PKP2: variants seen among roughly 807,000 people sequenced by gnomAD.
PKP2 encodes the protein plakophilin 2, also known as plakophilin-2.
A neutral mutation model predicts 83.4 loss-of-function variants in PKP2; 73 were observed. That is an observed-to-expected ratio of 0.88 (90% CI 0.72 to 1.06). The LOEUF is 1.06. Ranked by LOEUF, PKP2 falls within the 50% of genes least tolerant of loss-of-function variation. The probability of loss-of-function intolerance (pLI) is 0.00; values close to 1 mark genes in which losing one functional copy is unlikely to be tolerated. For synonymous variants in PKP2, 409 were observed against 430.4 expected, an observed-to-expected ratio of 0.95 and a Z score of 0.62; for missense variants, 966 against 1,065.4, an observed-to-expected ratio of 0.91 and a Z score of 1.30.
At chr12:32,802,262 C>A in intron 10 of PKP2, 141 bp downstream of exon 10, 2 of 850,100 alleles carry the variant, frequency 2.4e-6, no homozygotes, top group Non-Finnish European at 4.0e-6. Context: ...TCTGGTGGCA[C>A]AAAAGGCAGG....
intron 1 of PKP2, among the ~76,000 whole-genome samples, chr12:32,892,734 T>G (rs1427054514): frequency 7.0e-6 from 1 of 142,474 alleles, no homozygotes; most frequent in East Asian, 2.1e-4. Context: ...ATAATTGCAT[T>G]AGGAGATTGT....
rs1329084166 is a variant in PKP2, at chr12:32,791,226, A to C, written c.*1198T>G. 1 of 25,386 alleles carries C rather than the reference A, an allele frequency of 3.9e-5. No homozygotes were observed. Among genetic ancestry groups the C allele is most frequent in the Non-Finnish European group, 1.4e-4 (1 of 7,002 alleles). The allele number at this position is 25,386 out of a possible 1,614,324, so 1.6% of individuals were successfully genotyped here. A position where few individuals can be genotyped will look rare whatever the true frequency, so the allele number is the denominator to read the frequency against. Reference sequence around the variant, plus strand: ...AGATTCATTTCGCTGGATGATGTCAACCATTTAAAATATCAGTATTTCTCA... The same window carrying C: ...AGATTCATTTCGCTGGATGATGTCACCCATTTAAAATATCAGTATTTCTCA... On this transcript the variant is annotated 3_prime_UTR_variant, in exon 13 of 13. Coordinates refer to ENST00000340811, the MANE Select transcript of PKP2 (RefSeq NM_001005242.3).
At position 32,817,263 on chromosome 12, in the gene PKP2, A is replaced by G. The variant is rs1251551898; in HGVS notation, c.2013+4093T>C. 6.6e-5 allele frequency among the ~76,000 whole-genome samples: 10 copies of G among 152,234 alleles called. 1 individual carries two copies. The highest frequency in any genetic ancestry group is 5.9e-4 in the Admixed American group (9 of 15,274). ...CAAAACTGAACTTCTACCTTTCACT[A>G]TGTATAAAAATTAATTCAAGATGGA... On this transcript the variant is annotated intron_variant, in intron 9 of 12. Transcript: ENST00000340811.
intron 6 of PKP2, among the ~76,000 whole-genome samples, chr12:32,837,745 A>G (rs1956555903): frequency 6.6e-6 from 1 of 152,214 alleles, no homozygotes; most frequent in South Asian, 2.1e-4. Flanking sequence ...GCTTCTACTC[A>G]TCAATCATAA....
chr12:32,844,559 C>T (rs192943401), intron 5 of PKP2, among the ~76,000 whole-genome samples: 172 of 152,170 alleles, frequency 1.1e-3, no homozygotes, highest in African/African-American at 4.0e-3. Context: ...AAACCAGAAC[C>T]GATGAGTGGA....
intron 8 of PKP2, 83 bp downstream of exon 8, chr12:32,822,384 T>G (rs1956388207): frequency 8.7e-7 from 1 of 1,143,840 alleles, no homozygotes; most frequent in East Asian, 2.3e-5. Flanking sequence ...ATATACCAAG[T>G]ACTTAGACAT....
chr12:32,881,701 C>A (rs905095584), intron 1 of PKP2, among the ~76,000 whole-genome samples: 1 of 152,180 alleles, frequency 6.6e-6, no homozygotes, highest in Non-Finnish European at 1.5e-5. Flanking sequence ...GTTGCCCAGG[C>A]TGGAGTGCAA....
At chr12:32,822,670 A>T in intron 7 of PKP2, 39 bp from the exon 8 acceptor site, 1 of 1,602,632 alleles carries the variant, frequency 6.2e-7, no homozygotes, top group Non-Finnish European at 8.5e-7. Context: ...GTATACATAT[A>T]GATATCCTTG....
chr12:32,843,302 T>G lies in PKP2; in HGVS notation c.1379-2097A>C, dbSNP rs1555144761. On this transcript the variant is annotated intron_variant, in intron 5 of 12. Coordinates refer to ENST00000340811, the MANE Select transcript of PKP2 (RefSeq NM_001005242.3). ...GGCCAGCCATTCCTACTTCTTAAAT[T>G]GACTGTATGGTCTGTACAAAGGAAA... is the stretch of plus-strand genomic sequence containing the variant. The G allele has an allele frequency of 7.3e-7, 1 of 1,364,578 alleles. No homozygotes were observed. The highest frequency in any genetic ancestry group is 1.1e-5 in the South Asian group (1 of 88,020). The allele number at this position is 1,364,578 out of a possible 1,614,324, so 84.5% of individuals were successfully genotyped here.
intron 3 of PKP2, among the ~76,000 whole-genome samples, chr12:32,876,844 G>C (rs1956937614): frequency 6.6e-6 from 1 of 152,146 alleles, no homozygotes; most frequent in Non-Finnish European, 1.5e-5. Context: ...TTTCCTCTTT[G>C]TAAGTATGCT....
At chr12:32,868,779 C>T (rs1310040435) in intron 4 of PKP2, 148 bp downstream of exon 4, 1 of 902,340 alleles carries the variant, frequency 1.1e-6, no homozygotes, top group Non-Finnish European at 1.8e-6. Flanking sequence ...GCCTCGGCCT[C>T]CCAAAGTGCT....
rs1308859925 is a variant in PKP2 at position 32,869,010 on chromosome 12, C to A, written c.1087G>T (p.Asp363Tyr). 1.2e-6 allele frequency: 2 copies of A among 1,613,840 alleles called. No homozygotes were observed. The highest frequency in any genetic ancestry group is 1.7e-6 in the Non-Finnish European group (2 of 1,179,934). ...LERAVSMLEA[D>Y]HMLPSRISAA... Reference sequence around the variant, plus strand: ...GAAATCCTGGATGGCAGCATGTGGTCTGCCTCGAGCATACTCACTGCTCGC... The same window carrying A: ...GAAATCCTGGATGGCAGCATGTGGTATGCCTCGAGCATACTCACTGCTCGC... The change falls in exon 4 of 13, where the codon GAC becomes TAC. Residue 363 changes from aspartate (D) to tyrosine (Y), a missense_variant. Coordinates refer to ENST00000340811, the MANE Select transcript of PKP2 (RefSeq NM_001005242.3).
chr12:32,844,134 T>C (rs1161787935), intron 5 of PKP2, among the ~76,000 whole-genome samples: 2 of 152,150 alleles, frequency 1.3e-5, no homozygotes, highest in African/African-American at 2.4e-5. Context: ...TCTACAAAAG[T>C]ATATGATTTT....
At chr12:32,819,308 C>CAATAA (rs1271671020) in intron 9 of PKP2, among the ~76,000 whole-genome samples, 837 of 69,340 alleles carry the variant, frequency 0.012, 7 homozygotes, top group East Asian at 0.11. Flanking sequence ...CAATACAATA[C>CAATAA]AATACAATAA....
chr12:32,827,592 TC>T (rs2137795054), intron 6 of PKP2, among the ~76,000 whole-genome samples: 1 of 152,352 alleles, frequency 6.6e-6, no homozygotes, highest in Admixed American at 6.5e-5. Flanking sequence ...GCAGAATTGA[TC>T]TTTTTTACAA....
chr12:32,878,543 C>T lies in PKP2; in HGVS notation c.337G>A (p.Ala113Thr), dbSNP rs1013290479. Residue 113 changes from alanine to threonine, a missense_variant and splice_region_variant, in exon 3 of 13, where the codon GCT (alanine) becomes ACT (threonine). Ala to Thr is a moderately conservative substitution (Grantham distance 58). Transcript: ENST00000340811. ...CCTTCATAAGTGGCAGTTGTGCCAG[C>T]CTGCACATGAGAGAAATAAAGTTTA... ...PVPKTYDMLKAGTTATYEGRW... is the reference protein window; with the variant it reads ...PVPKTYDMLKTGTTATYEGRW... The T allele has an allele frequency of 2.5e-6, 4 of 1,610,130 alleles. No homozygotes were observed. Among genetic ancestry groups the T allele is most frequent in the Admixed American group, 3.4e-5 (2 of 59,466 alleles).
Position 32,819,885 on chromosome 12 carries a change from A to ACC in PKP2, c.2013+1469_2013+1470dup, listed in dbSNP as rs34249258. The stretch of plus-strand genomic sequence containing the variant: ...ACACACACACACACACGCACACACA[A>ACC]CCCCCCCCCCCCCATTTAATTTTCT... On this transcript the variant is annotated intron_variant, in intron 9 of 12. Coordinates refer to ENST00000340811, the MANE Select transcript of PKP2 (RefSeq NM_001005242.3). Among the ~76,000 whole-genome samples, 82 of 145,616 alleles carry ACC rather than the reference A, an allele frequency of 5.6e-4. 3 individuals are homozygous for ACC. Among genetic ancestry groups the ACC allele is most frequent in the African/African-American group, 7.3e-4 (28 of 38,528 alleles).
At chr12:32,880,178 G>A (rs1008606391) in intron 1 of PKP2, among the ~76,000 whole-genome samples, 12 of 151,578 alleles carry the variant, frequency 7.9e-5, no homozygotes, top group African/African-American at 2.4e-4. Context: ...CGAGGTGGGC[G>A]GATCATGAGG....
intron 6 of PKP2, among the ~76,000 whole-genome samples, chr12:32,830,420 G>T (rs1019120374): frequency 6.6e-6 from 1 of 152,166 alleles, no homozygotes; most frequent in African/African-American, 2.4e-5. Flanking sequence ...TTTCCTGAAG[G>T]TATCAGCAAA....
Sources: allele counts gnomAD v4.1 joint callset (sites outside exome capture counted in the v4.1 genomes callset), GRCh38; gene constraint gnomAD v4.1.1; transcripts MANE v1.5; gene names NCBI Gene and HGNC (gene_info 2026-07-23, HGNC 2026-07-21).